The following CCBE1 variants were observed in gnomAD, a reference collection of about 807,000 sequenced individuals.
The protein encoded by CCBE1 is collagen and calcium-binding EGF domain-containing protein 1.
CCBE1 carries 37 observed loss-of-function variants against 50.0 expected under a neutral mutation model. The observed-to-expected ratio is 0.74, with a 90% CI of 0.57 to 0.97. The LOEUF is 0.97. Among genes scored for constraint, CCBE1 ranks in the 50% least tolerant of loss-of-function variants. The pLI, the probability that CCBE1 is intolerant of heterozygous loss-of-function variation, is 0.00. For synonymous variants in CCBE1, 234 were observed against 203.7 expected (o/e 1.15, Z -1.27); for missense variants, 538 against 523.8 (o/e 1.03, Z -0.26).
intron 2 of CCBE1, among the ~76,000 whole-genome samples, chr18:59,601,217 G>A (rs1447449120): frequency 6.6e-6 from 1 of 151,492 alleles, no homozygotes; most frequent in Non-Finnish European, 1.5e-5. Context: ...AGTTTTGGTA[G>A]AGATAGGGTG....
At chr18:59,550,597 G>C (rs1024593112) in intron 2 of CCBE1, among the ~76,000 whole-genome samples, 2 of 152,120 alleles carry the variant, frequency 1.3e-5, no homozygotes, top group East Asian at 3.9e-4. Context: ...CCTCAGACAA[G>C]TTAGGCCTGC....
At chr18:59,521,250 C>T (rs1484583251) in intron 2 of CCBE1, among the ~76,000 whole-genome samples, 2 of 152,208 alleles carry the variant, frequency 1.3e-5, no homozygotes, top group East Asian at 1.9e-4. Flanking sequence ...AAAAATCCCC[C>T]AACTCTGACA....
intron 7 of CCBE1, 38 bp from the exon 8 acceptor site, chr18:59,439,854 GAGA>G (rs1451282621): frequency 6.2e-7 from 1 of 1,610,946 alleles, no homozygotes; most frequent in African/African-American, 1.3e-5. Flanking sequence ...CACAGCACAT[GAGA>G]AGGACAAAGG....
chr18:59,465,884 A>G (rs893470029), intron 5 of CCBE1, among the ~76,000 whole-genome samples: 1 of 152,048 alleles, frequency 6.6e-6, no homozygotes, highest in Non-Finnish European at 1.5e-5. Context: ...TCATTTCTCT[A>G]AGAGCACACC....
chr18:59,650,990 A>C (rs1292579327), intron 2 of CCBE1, among the ~76,000 whole-genome samples: 1 of 152,108 alleles, frequency 6.6e-6, no homozygotes, highest in Non-Finnish European at 1.5e-5. Context: ...TCCATCACTT[A>C]GGGGTCAAGG....
At chr18:59,677,414 C>G (rs1599128447) in intron 2 of CCBE1, among the ~76,000 whole-genome samples, 1 of 152,240 alleles carries the variant, frequency 6.6e-6, no homozygotes, top group East Asian at 1.9e-4. Context: ...CTACTTGGAC[C>G]TGTCGTCTTT....
chr18:59,432,949 T>TTG lies in CCBE1; in HGVS notation c.*2957_*2958dup, dbSNP rs1170369458. The TTG allele has an allele frequency of 1.4e-4, 9 of 62,540 alleles. No individual in the cohort carries two copies. The highest frequency in any genetic ancestry group is 3.1e-4 in the Admixed American group (2 of 6,394). 3.9% of individuals were successfully genotyped at this position (62,540 alleles called of 1,614,324 possible). ...TCTCTCATACAGCTTGTGCATAGTTTTGTGTGTTTTTTTTTAAACATTCAT... is the reference window on the plus strand; with the variant it reads ...TCTCTCATACAGCTTGTGCATAGTTTTGTGTGTGTTTTTTTTTAAACATTCAT... On this transcript the variant is annotated 3_prime_UTR_variant, in exon 11 of 11. Coordinates refer to ENST00000439986, the MANE Select transcript of CCBE1 (RefSeq NM_133459.4).
At chr18:59,630,745 G>A (rs983559786) in intron 2 of CCBE1, among the ~76,000 whole-genome samples, 10 of 152,190 alleles carry the variant, frequency 6.6e-5, no homozygotes, top group African/African-American at 2.4e-4. Flanking sequence ...AAGGCTGCAT[G>A]TTCATGTTTT....
At chr18:59,448,337 G>C (rs1910779373) in intron 6 of CCBE1, among the ~76,000 whole-genome samples, 1 of 152,076 alleles carries the variant, frequency 6.6e-6, no homozygotes, top group Non-Finnish European at 1.5e-5. Context: ...GCTTAAATAA[G>C]CTCCAGATGG....
intron 2 of CCBE1, among the ~76,000 whole-genome samples, chr18:59,489,427 T>C (rs916202523): frequency 6.6e-6 from 1 of 152,090 alleles, no homozygotes; most frequent in African/African-American, 2.4e-5. Flanking sequence ...TTATTTATTT[T>C]TTTTGAGATG....
At chr18:59,452,932 AAG>A (rs1911010143) in intron 6 of CCBE1, among the ~76,000 whole-genome samples, 1 of 152,136 alleles carries the variant, frequency 6.6e-6, no homozygotes, top group Non-Finnish European at 1.5e-5. Context: ...TCAATTGCAT[AAG>A]AGTTACTGGA....
chr18:59,439,461 T>A, intron 9 of CCBE1, 82 bp downstream of exon 9: 1 of 1,539,520 alleles, frequency 6.5e-7, no homozygotes, highest in Non-Finnish European at 9.0e-7. Context: ...AGCAAGACCA[T>A]CTCAAAAAAC....
chr18:59,495,037 G>A (rs570922496), intron 2 of CCBE1, among the ~76,000 whole-genome samples: 1 of 152,178 alleles, frequency 6.6e-6, no homozygotes, highest in South Asian at 2.1e-4. Flanking sequence ...GTTACTTGTG[G>A]GGCTGAGGCA....
At chr18:59,594,150 G>T (rs762730779) in intron 2 of CCBE1, among the ~76,000 whole-genome samples, 1 of 152,162 alleles carries the variant, frequency 6.6e-6, no homozygotes, top group Non-Finnish European at 1.5e-5. Context: ...CAAAACCAAG[G>T]CAAGCTTGAT....
At chr18:59,640,525 ACT>A (rs2053972959) in intron 2 of CCBE1, among the ~76,000 whole-genome samples, 3 of 152,286 alleles carry the variant, frequency 2.0e-5, no homozygotes, top group Admixed American at 2.0e-4. Context: ...GACTATAAAA[ACT>A]CTGGAAGATA....
intron 2 of CCBE1, among the ~76,000 whole-genome samples, chr18:59,518,273 G>C (rs1914459099): frequency 6.6e-6 from 1 of 152,220 alleles, no homozygotes; most frequent in Non-Finnish European, 1.5e-5. Flanking sequence ...CAGATCACTT[G>C]AAGTTAGGAG....
At position 59,488,503 on chromosome 18, in the gene CCBE1, T is replaced by C. The variant is rs1912930971; in HGVS notation, c.213-8265A>G. On this transcript the variant is annotated intron_variant, in intron 2 of 10. Transcript: ENST00000439986. The stretch of plus-strand genomic sequence containing the variant: ...TAAAAGGTATATGTGGGAGAGTTAT[T>C]AAATGGGGCTAAGGTAACAACCAGA... Among the ~76,000 whole-genome samples, 3 of 152,108 alleles carry C rather than the reference T, an allele frequency of 2.0e-5. No homozygotes were observed. In the South Asian group the frequency reaches 6.2e-4, roughly 31 times the overall value.
chr18:59,452,642 A>G (rs1198824574), intron 6 of CCBE1, among the ~76,000 whole-genome samples: 2 of 152,198 alleles, frequency 1.3e-5, no homozygotes, highest in African/African-American at 2.4e-5. Context: ...ACACTGGCAC[A>G]GGAGTAGAAA....
intron 2 of CCBE1, among the ~76,000 whole-genome samples, chr18:59,521,740 G>GA (rs1432750688): frequency 1.7e-5 from 2 of 114,956 alleles, no homozygotes; most frequent in Admixed American, 7.7e-5. Context: ...TTTTTAACAT[G>GA]AAAAAAATGC....
Sources: allele counts gnomAD v4.1 joint callset (sites outside exome capture counted in the v4.1 genomes callset), GRCh38; gene constraint gnomAD v4.1.1; transcripts MANE v1.5; gene names NCBI Gene and HGNC (gene_info 2026-07-23, HGNC 2026-07-21).